PAPPA: variants seen among roughly 807,000 people sequenced by gnomAD.
The protein encoded by PAPPA is pappalysin-1.
PAPPA carries 60 observed loss-of-function variants against 164.0 expected under a neutral mutation model. The ratio of observed to expected loss-of-function variants is 0.37; its 90% CI spans 0.30 to 0.45. The LOEUF is 0.45. PAPPA is among the 20% of genes least tolerant of loss of function. The pLI, the probability that PAPPA is intolerant of heterozygous loss-of-function variation, is 1.00. For missense variants in PAPPA, 1,782 were observed against 2,087.3 expected (o/e 0.85, Z 2.85); for synonymous variants, 875 against 814.1 (o/e 1.07, Z -1.27).
Position 116,347,164 on chromosome 9 carries a change from G to A in PAPPA, c.3919G>A (p.Gly1307Ser). The A allele has an allele frequency of 1.2e-6, 2 of 1,613,990 alleles. No homozygotes were observed. Among genetic ancestry groups the A allele is most frequent in the Middle Eastern group, 1.7e-4 (1 of 6,060 alleles). The part of the protein sequence containing the change: ...SFSCPEGTTF[G>S]SQCSFQCRHP... ...CTCCTGCCCTGAGGGCACCACCTTT[G>A]GCAGTCAATGTTCCTTCCAGTGCCG... The change falls in exon 15 of 22, where the codon GGC becomes AGC. Residue 1307 changes from glycine (G) to serine (S), a missense_variant. Physicochemically the swap from Gly to Ser is moderately conservative, Grantham distance 56. Coordinates refer to ENST00000328252, the MANE Select transcript of PAPPA (RefSeq NM_002581.5). This position sits in a 1 kb window ranked among gnomAD's most constrained non-coding sequence, Gnocchi z 4.5.
intron 5 of PAPPA, among the ~76,000 whole-genome samples, chr9:116,222,283 T>A (rs137926285): frequency 1.4e-4 from 21 of 152,326 alleles, no homozygotes; most frequent in African/African-American, 4.8e-4. Context: ...CAATTTACGA[T>A]AATTTGACTT....
At chr9:116,217,336 G>A (rs1441826065) in intron 4 of PAPPA, among the ~76,000 whole-genome samples, 1 of 152,054 alleles carries the variant, frequency 6.6e-6, no homozygotes, top group Non-Finnish European at 1.5e-5. Flanking sequence ...TTATGCACGA[G>A]GGAACTGAGT....
intron 2 of PAPPA, among the ~76,000 whole-genome samples, chr9:116,188,919 G>A (rs557738209): frequency 9.2e-5 from 14 of 152,264 alleles, no homozygotes; most frequent in African/African-American, 3.1e-4. Context: ...GACATATAAA[G>A]TACACTCTCT....
rs532966592 is a variant in PAPPA at position 116,373,012 on chromosome 9, T to G, written c.4606-4564T>G. On this transcript the variant is annotated intron_variant, in intron 19 of 21. Coordinates refer to ENST00000328252, the MANE Select transcript of PAPPA (RefSeq NM_002581.5). ...CCCTCATACATGTCTTTTAAAAATA[T>G]GCAACACATGCAGACAGAGAATGCA... 6.6e-5 allele frequency among the ~76,000 whole-genome samples: 10 copies of G among 152,286 alleles called. No individual in the cohort carries two copies. In the South Asian group the frequency reaches 2.1e-3, roughly 32 times the overall value.
intron 13 of PAPPA, among the ~76,000 whole-genome samples, chr9:116,338,894 T>G (rs552908368): frequency 6.6e-6 from 1 of 152,224 alleles, no homozygotes; most frequent in African/African-American, 2.4e-5. Flanking sequence ...TCTGAAATTA[T>G]AGACCTCTGT....
chr9:116,237,720 C>CTT (rs545555923), intron 7 of PAPPA, among the ~76,000 whole-genome samples: 39 of 145,224 alleles, frequency 2.7e-4, no homozygotes, highest in Middle Eastern at 3.8e-3. Context: ...TTCTCTCTCT[C>CTT]TTTTTTTTTT....
At chr9:116,157,611 T>G (rs1165422612) in intron 1 of PAPPA, among the ~76,000 whole-genome samples, 1 of 151,930 alleles carries the variant, frequency 6.6e-6, no homozygotes, top group Non-Finnish European at 1.5e-5. Flanking sequence ...GGGAGGGGTG[T>G]GTGCTGGATG....
intron 9 of PAPPA, among the ~76,000 whole-genome samples, chr9:116,290,718 G>T (rs1180270723): frequency 5.4e-5 from 8 of 149,338 alleles, no homozygotes; most frequent in Admixed American, 1.3e-4. Context: ...TTTTTAATAT[G>T]GAGATACAAT....
Position 116,265,995 on chromosome 9 carries a change from T to C in PAPPA, c.2861+10T>C, listed in dbSNP as rs777329335. On this transcript the variant is annotated intron_variant, in intron 8 of 21. Transcript: ENST00000328252. Reference sequence around the variant, plus strand: ...ATGGCATTATACAAAAGTAAGTAGATCTAATTAAAGAAAGAAGAGGAGGGA... The same window carrying C: ...ATGGCATTATACAAAAGTAAGTAGACCTAATTAAAGAAAGAAGAGGAGGGA... The C allele has an allele frequency of 1.9e-6, 3 of 1,592,678 alleles. No individual in the cohort carries two copies. Among genetic ancestry groups the C allele is most frequent in the Non-Finnish European group, 2.6e-6 (3 of 1,163,462 alleles).
chr9:116,316,513 A>T (rs889057307), intron 10 of PAPPA: 1 of 152,044 alleles, frequency 6.6e-6, no homozygotes, highest in Admixed American at 6.6e-5. Flanking sequence ...GAAAAGCATC[A>T]CTCTGGAAGG....
chr9:116,385,471 T>C (rs937553370), intron 21 of PAPPA, among the ~76,000 whole-genome samples: 1 of 151,942 alleles, frequency 6.6e-6, no homozygotes, highest in African/African-American at 2.4e-5. Context: ...ATAGTAACTT[T>C]ACCGTATACA....
At chr9:116,343,475 TA>T (rs1846164513) in intron 13 of PAPPA, among the ~76,000 whole-genome samples, 1 of 152,172 alleles carries the variant, frequency 6.6e-6, no homozygotes, top group African/African-American at 2.4e-5. Flanking sequence ...TGCTTAGACC[TA>T]AAGAACGGGT....
chr9:116,188,178 T>A lies in PAPPA; in HGVS notation c.1440T>A (p.Asn480Lys). The A allele has an allele frequency of 6.2e-7, 1 of 1,613,796 alleles. No individual in the cohort carries two copies. The highest frequency in any genetic ancestry group is 8.5e-7 in the Non-Finnish European group (1 of 1,179,716). ...GGECCDPEIT[N>K]VTQTCFDPDS... is the part of the protein sequence containing the mutation. ...AGTGCTGTGACCCTGAAATCACCAA[T>A]GTCACTCAGACTTGCTTTGACCCCG... Residue 480 changes from asparagine to lysine, a missense_variant, in exon 2 of 22, where the codon AAT (asparagine) becomes AAA (lysine). By Grantham distance (94) the Asn-to-Lys change is moderately conservative. Coordinates refer to ENST00000328252, the MANE Select transcript of PAPPA (RefSeq NM_002581.5).
At position 116,400,379 on chromosome 9, in the gene PAPPA, T is replaced by C. The variant is rs1185831903; in HGVS notation, c.*3763T>C. 1.3e-5 allele frequency: 2 copies of C among 152,138 alleles called. No homozygotes were observed. The highest frequency in any genetic ancestry group is 2.9e-5 in the Non-Finnish European group (2 of 68,024). 9.4% of individuals were successfully genotyped at this position (152,138 alleles called of 1,614,324 possible). ...GGTAGGTCCAGGAAATATGACATTT[T>C]CCCCCTTGATGTGTTATTGTTGTTG... On this transcript the variant is annotated 3_prime_UTR_variant, in exon 22 of 22. Transcript: ENST00000328252.
At chr9:116,277,122 T>A (rs1338092536) in intron 9 of PAPPA, among the ~76,000 whole-genome samples, 1 of 152,200 alleles carries the variant, frequency 6.6e-6, no homozygotes, top group African/African-American at 2.4e-5. Flanking sequence ...CATTTATTAT[T>A]ATTTTTCTTT....
chr9:116,385,447 G>A (rs184429036), intron 21 of PAPPA, among the ~76,000 whole-genome samples: 1 of 151,952 alleles, frequency 6.6e-6, no homozygotes, highest in East Asian at 2.0e-4. Context: ...CACCTGACCA[G>A]ATTCCAAATT....
intron 18 of PAPPA, among the ~76,000 whole-genome samples, chr9:116,366,798 G>A (rs1846506675): frequency 1.3e-5 from 2 of 152,168 alleles, no homozygotes; most frequent in Admixed American, 1.3e-4. Flanking sequence ...GGGCACCTAG[G>A]AGGGGCTTGG....
intron 1 of PAPPA, among the ~76,000 whole-genome samples, chr9:116,174,696 A>C (rs1663010532): frequency 6.6e-6 from 1 of 151,992 alleles, no homozygotes; most frequent in Non-Finnish European, 1.5e-5. Flanking sequence ...GAATTAATTA[A>C]TTTCTTTTAG....
chr9:116,227,802 G>T (rs1004236353), intron 6 of PAPPA, among the ~76,000 whole-genome samples: 1 of 152,082 alleles, frequency 6.6e-6, no homozygotes, highest in African/African-American at 2.4e-5. Context: ...TTAAAGAAGT[G>T]CCCAAGGCCA....
Sources: gnomAD v4.1 joint callset for allele counts (sites outside exome capture counted in the v4.1 genomes callset) on GRCh38, gnomAD v4.1.1 for gene constraint, Gnocchi (gnomAD v3.1) non-coding constraint, MANE v1.5 for transcripts, NCBI Gene and HGNC (gene_info 2026-07-23, HGNC 2026-07-21) for gene names.